KIF1B: variants seen among roughly 807,000 people sequenced by gnomAD.
KIF1B encodes the protein kinesin family member 1B, also known as kinesin-like protein KIF1B.
Under a neutral mutation model 241.9 loss-of-function variants are expected in KIF1B, and 76 were observed. The observed-to-expected ratio is 0.31, with a 90% confidence interval of 0.26 to 0.38. The LOEUF is 0.38. KIF1B is among the 10% of genes least tolerant of loss of function. The pLI is 1.00. For missense variants in KIF1B, 1,622 were observed against 2,271.4 expected (o/e 0.71, Z 5.81); for synonymous variants, 750 against 796.7 (o/e 0.94, Z 0.99).
At chr1:10,304,990 ACAT>A in intron 22 of KIF1B, 1 of 1,124,544 alleles carries the variant, frequency 8.9e-7, no homozygotes, top group Non-Finnish European at 1.1e-6. Flanking sequence ...AATTAATCTG[ACAT>A]CCAGAAAGAC....
rs1649447781 is a variant in KIF1B at position 10,282,310 on chromosome 1, T to C, written c.1223-12T>C. ...CCTACTTTTCCTGCCTTCTCTTCTT[T>C]CTATCTCCCAGATCTGAAAGATTTT... On this transcript the variant is annotated splice_polypyrimidine_tract_variant and intron_variant, in intron 14 of 48. Coordinates refer to ENST00000676179, the MANE Select transcript of KIF1B (RefSeq NM_001365951.3). The C allele has an allele frequency of 6.2e-7, 1 of 1,609,198 alleles. No individual in the cohort carries two copies. The highest frequency in any genetic ancestry group is 1.7e-5 in the Admixed American group (1 of 59,898).
chr1:10,363,167 C>T, intron 40 of KIF1B, 116 bp from the exon 41 acceptor site: 1 of 752,088 alleles, frequency 1.3e-6, no homozygotes, highest in Non-Finnish European at 2.3e-6. Context: ...ATAAGAAATG[C>T]CTGGAATTAT....
intron 27 of KIF1B, among the ~76,000 whole-genome samples, chr1:10,332,400 C>T (rs1366218379): frequency 6.6e-6 from 1 of 151,598 alleles, no homozygotes; most frequent in Non-Finnish European, 1.5e-5. Context: ...TCAGAGTCTC[C>T]TCTAATCTTA....
intron 22 of KIF1B, chr1:10,305,882 A>G: frequency 9.5e-7 from 1 of 1,052,790 alleles, no homozygotes; most frequent in Non-Finnish European, 1.1e-6. Context: ...GTGAAGAGCC[A>G]GAGATGTCCG....
In KIF1B at chr1:10,294,501, G is replaced by C. The variant is rs368279310; in HGVS notation, c.1591-585G>C. 4.3e-4 allele frequency among the ~76,000 whole-genome samples: 66 copies of C among 152,114 alleles called. No individual in the cohort carries two copies. In the East Asian group the frequency reaches 0.011, roughly 25 times the overall value. On this transcript the variant is annotated intron_variant, in intron 17 of 48. Coordinates refer to ENST00000676179, the MANE Select transcript of KIF1B (RefSeq NM_001365951.3). ...TTATAATTATTCCGTTCAGAGAATT[G>C]GCCTGTCATTTTTTCCTTGTGCTTT...
intron 15 of KIF1B, among the ~76,000 whole-genome samples, chr1:10,284,416 T>G (rs1368898448): frequency 2.0e-5 from 3 of 152,182 alleles, no homozygotes; most frequent in Non-Finnish European, 4.4e-5. Flanking sequence ...CCGGGCTTAG[T>G]GGCTCATGCC....
chr1:10,261,310 G>C (rs1648131600), intron 4 of KIF1B, among the ~76,000 whole-genome samples: 1 of 135,224 alleles, frequency 7.4e-6, no homozygotes, highest in Non-Finnish European at 1.6e-5. Flanking sequence ...CACTCCTCTT[G>C]CCCAGGCTGG....
rs1326183422 is a variant in KIF1B at position 10,304,662 on chromosome 1, A to G, written c.2115+7416A>G. The stretch of plus-strand genomic sequence containing the variant: ...CCACAGTATAAATCAGTTACTGGAC[A>G]AACTTGAAATCATGGTGGAAGAAAC... On this transcript the variant is annotated intron_variant, in intron 22 of 48. Coordinates refer to ENST00000676179, the MANE Select transcript of KIF1B (RefSeq NM_001365951.3). The G allele has an allele frequency of 1.9e-6, 3 of 1,613,474 alleles. No homozygotes were observed. In the East Asian group the frequency reaches 6.7e-5, roughly 36 times the overall value.
At chr1:10,360,044 A>C (rs1366756978) in intron 38 of KIF1B, among the ~76,000 whole-genome samples, 1 of 151,384 alleles carries the variant, frequency 6.6e-6, no homozygotes, top group Non-Finnish European at 1.5e-5. Context: ...AAAATAAAAT[A>C]AAATAAAAAA....
In KIF1B at chr1:10,355,229, G is replaced by A. The variant is rs576356891; in HGVS notation, c.4055+2493G>A. On this transcript the variant is annotated intron_variant, in intron 38 of 48. Coordinates refer to ENST00000676179, the MANE Select transcript of KIF1B (RefSeq NM_001365951.3). ...ATGGAATTGTGTTCCATGGGATTCT[G>A]TGTTAATTGTCTGTCCACTTGAATT... is the stretch of plus-strand genomic sequence containing the variant. The A allele has an allele frequency of 5.2e-5, 8 of 152,402 alleles. 2 individuals are homozygous for A. Among genetic ancestry groups the A allele is most frequent in the African/African-American group, 1.9e-4 (8 of 41,558 alleles). The allele number at this position is 152,402 out of a possible 1,614,324, so 9.4% of individuals were successfully genotyped here. A position where few individuals can be genotyped will look rare whatever the true frequency, so the allele number is the denominator to read the frequency against.
intron 5 of KIF1B, among the ~76,000 whole-genome samples, chr1:10,265,340 T>A (rs1648397821): frequency 6.6e-6 from 1 of 151,918 alleles, no homozygotes; most frequent in Non-Finnish European, 1.5e-5. Flanking sequence ...GCTTGAGTGA[T>A]CTTCCCACCT....
At chr1:10,267,796 A>C (rs940882488) in intron 6 of KIF1B, among the ~76,000 whole-genome samples, 2 of 152,172 alleles carry the variant, frequency 1.3e-5, no homozygotes, top group Admixed American at 6.5e-5. Context: ...TTAGGTTTTG[A>C]TCAAGTCATG....
At chr1:10,367,434 T>C (rs566218462) in intron 43 of KIF1B, among the ~76,000 whole-genome samples, 1 of 151,698 alleles carries the variant, frequency 6.6e-6, no homozygotes, top group Admixed American at 6.6e-5. Flanking sequence ...CTGGGTGCGG[T>C]GGCACACGCC....
Position 10,377,093 on chromosome 1 carries a change from A to G in KIF1B, c.*506A>G, listed in dbSNP as rs1638911244. On this transcript the variant is annotated 3_prime_UTR_variant, in exon 49 of 49. Transcript: ENST00000676179. The stretch of plus-strand genomic sequence containing the variant: ...TCTTGGGTGGCTTAGAGACTAAGGG[A>G]GGAGACATCTGGCCTTTTTAGAACC... 1 of 247,662 alleles carries G rather than the reference A, an allele frequency of 4.0e-6. No homozygotes were observed. The highest frequency in any genetic ancestry group is 2.2e-5 in the African/African-American group (1 of 45,374). The allele number at this position is 247,662 out of a possible 1,614,324, so 15.3% of individuals were successfully genotyped here.
chr1:10,257,039 G>A (rs1164345066), intron 3 of KIF1B, among the ~76,000 whole-genome samples: 3 of 151,670 alleles, frequency 2.0e-5, no homozygotes, highest in African/African-American at 7.3e-5. Context: ...ATTGCTTAGG[G>A]TACTGTTAAT....
At chr1:10,364,879 A>G (rs1358382587) in intron 41 of KIF1B, among the ~76,000 whole-genome samples, 2 of 151,488 alleles carry the variant, frequency 1.3e-5, no homozygotes, top group Non-Finnish European at 2.9e-5. Context: ...GGTGGCGGGC[A>G]CCTGTAGTCT....
At chr1:10,252,784 A>T (rs1274710162) in intron 2 of KIF1B, among the ~76,000 whole-genome samples, 1 of 151,534 alleles carries the variant, frequency 6.6e-6, no homozygotes, top group Non-Finnish European at 1.5e-5. Context: ...CAGTGGTGTG[A>T]TCTTGGCTCA....
intron 1 of KIF1B, among the ~76,000 whole-genome samples, chr1:10,213,557 A>T (rs114319100): frequency 0.018 from 2,809 of 152,192 alleles, 41 homozygotes; most frequent in Non-Finnish European, 0.027. Flanking sequence ...CCTGTTTGTA[A>T]TCCCCTTCCC....
At chr1:10,245,899 T>G (rs1227613969) in intron 2 of KIF1B, among the ~76,000 whole-genome samples, 3 of 152,208 alleles carry the variant, frequency 2.0e-5, no homozygotes, top group Non-Finnish European at 4.4e-5. Context: ...CTAATTGCCT[T>G]CCTTCCTCCC....
Sources: gnomAD v4.1 joint callset for allele counts (sites outside exome capture counted in the v4.1 genomes callset) on GRCh38, gnomAD v4.1.1 for gene constraint, MANE v1.5 for transcripts, NCBI Gene and HGNC (gene_info 2026-07-23, HGNC 2026-07-21) for gene names.